Variants in PLXNA4 observed in about 807,000 individuals in gnomAD.
PLXNA4 encodes plexin A4.
PLXNA4 carries 44 observed loss-of-function variants against 191.8 expected under a neutral mutation model. The ratio of observed to expected loss-of-function variants is 0.23; its 90% CI spans 0.18 to 0.29. The LOEUF is 0.29. PLXNA4 is among the 10% of genes least tolerant of loss of function. PLXNA4 has a pLI of 1.00. For missense variants in PLXNA4, 1,800 were observed against 2,488.8 expected (o/e 0.72, Z 5.89); for synonymous variants, 1,082 against 1,009.5 (o/e 1.07, Z -1.36).
intron 4 of PLXNA4, among the ~76,000 whole-genome samples, chr7:132,266,965 T>G (rs1799881367): frequency 6.6e-6 from 1 of 152,122 alleles, no homozygotes; most frequent in African/African-American, 2.4e-5. Context: ...ATCTGGATAG[T>G]TTCTCCTTTT....
intron 3 of PLXNA4, among the ~76,000 whole-genome samples, chr7:132,403,320 T>G (rs1396536078): frequency 6.6e-6 from 1 of 152,202 alleles, no homozygotes; most frequent in Non-Finnish European, 1.5e-5. Flanking sequence ...GTGTCCCATT[T>G]TCATCCAAAT....
intron 1 of PLXNA4, among the ~76,000 whole-genome samples, chr7:132,563,188 C>T (rs1409820302): frequency 1.5e-3 from 43 of 29,386 alleles, no homozygotes; most frequent in African/African-American, 2.9e-3. Context: ...CTTCTCCTTC[C>T]TCCTCCTCCT....
At chr7:132,294,982 C>T (rs750501592) in intron 4 of PLXNA4, among the ~76,000 whole-genome samples, 6 of 152,210 alleles carry the variant, frequency 3.9e-5, no homozygotes, top group African/African-American at 1.4e-4. Flanking sequence ...AAACAAATTT[C>T]TGTTGTTTAA....
intron 3 of PLXNA4, among the ~76,000 whole-genome samples, chr7:132,456,203 C>A (rs1796311141): frequency 1.3e-5 from 2 of 151,052 alleles, no homozygotes; most frequent in Non-Finnish European, 2.9e-5. Context: ...ATTTCCATCT[C>A]CCAGGTCAAG....
At chr7:132,543,211 T>C (rs1800156859) in intron 1 of PLXNA4, among the ~76,000 whole-genome samples, 1 of 152,196 alleles carries the variant, frequency 6.6e-6, no homozygotes, top group Non-Finnish European at 1.5e-5. Context: ...TCATTTTTCT[T>C]AGCTACTCAA....
chr7:132,390,368 G>A (rs1805351383), intron 3 of PLXNA4, among the ~76,000 whole-genome samples: 1 of 152,008 alleles, frequency 6.6e-6, no homozygotes, highest in Non-Finnish European at 1.5e-5. Context: ...GTTGAACAAT[G>A]AGAACACATG....
chr7:132,224,845 A>G (rs1798262115), intron 8 of PLXNA4, among the ~76,000 whole-genome samples: 1 of 152,246 alleles, frequency 6.6e-6, no homozygotes, highest in Non-Finnish European at 1.5e-5. Flanking sequence ...TGCCATAAGC[A>G]GATCAATAGA....
At chr7:132,159,765 G>A (rs975870814) in intron 24 of PLXNA4, 133 bp from the exon 25 acceptor site, 1 of 1,444,378 alleles carries the variant, frequency 6.9e-7, no homozygotes, top group African/African-American at 1.4e-5. Context: ...GAGTAGGGTG[G>A]CTCCAGGCCA....
At chr7:132,268,667 A>G (rs918108695) in intron 4 of PLXNA4, among the ~76,000 whole-genome samples, 1 of 151,916 alleles carries the variant, frequency 6.6e-6, no homozygotes, top group Non-Finnish European at 1.5e-5. Flanking sequence ...GGACTAATCT[A>G]CTCCCACATG....
chr7:132,239,643 G>A (rs1798813234), intron 5 of PLXNA4, among the ~76,000 whole-genome samples: 1 of 152,182 alleles, frequency 6.6e-6, no homozygotes. Flanking sequence ...GTATCATTCA[G>A]GGAACAATTC....
intron 3 of PLXNA4, among the ~76,000 whole-genome samples, chr7:132,487,455 C>T (rs547268496): frequency 5.3e-5 from 8 of 152,290 alleles, no homozygotes; most frequent in African/African-American, 1.7e-4. Context: ...CACAGTAATG[C>T]CCCCGGTATT....
At chr7:132,633,964 C>T (rs1335301498) in intron 2 of PLXNA4, among the ~76,000 whole-genome samples, 1 of 151,554 alleles carries the variant, frequency 6.6e-6, no homozygotes, top group East Asian at 2.0e-4. Flanking sequence ...CACCACACTG[C>T]ACCACACACA....
chr7:132,428,944 G>T (rs913235540), intron 3 of PLXNA4, among the ~76,000 whole-genome samples: 1 of 152,140 alleles, frequency 6.6e-6, no homozygotes, highest in African/African-American at 2.4e-5. Context: ...AAGCTTTCGG[G>T]GTGCAAGGGC....
In PLXNA4 at chr7:132,234,530, C is replaced by T. The variant is rs113371409; in HGVS notation, c.1605-6061G>A. ...TTGAGAGCTTGAGCAGACCACAGGGCTTTTCTAATTTATATGGGAAGATGG... is the reference window on the plus strand; with the variant it reads ...TTGAGAGCTTGAGCAGACCACAGGGTTTTTCTAATTTATATGGGAAGATGG... On this transcript the variant is annotated intron_variant, in intron 5 of 31. Transcript: ENST00000321063. Among the ~76,000 whole-genome samples the T allele has an allele frequency of 9.3e-3, 1,405 of 151,238 alleles. 21 individuals are homozygous for T. Among genetic ancestry groups the T allele is most frequent in the African/African-American group, 0.032 (1,301 of 41,058 alleles).
chr7:132,370,626 G>T (rs181432760), intron 3 of PLXNA4, among the ~76,000 whole-genome samples: 1 of 152,354 alleles, frequency 6.6e-6, no homozygotes, highest in East Asian at 1.9e-4. Flanking sequence ...TTGTGTGCCT[G>T]TGTATGTGTG....
chr7:132,155,867 G>C (rs1006548940), intron 25 of PLXNA4, among the ~76,000 whole-genome samples: 1 of 152,150 alleles, frequency 6.6e-6, no homozygotes, highest in African/African-American at 2.4e-5. Flanking sequence ...ATTTATATCA[G>C]GATGGATTTT....
chr7:132,242,149 G>GT (rs139529609), intron 4 of PLXNA4, among the ~76,000 whole-genome samples: 26,040 of 147,222 alleles, frequency 0.18, 2,348 homozygotes, highest in South Asian at 0.21. Flanking sequence ...TTTACAAAAA[G>GT]TATTTTTTTT....
At chr7:132,209,051 C>T (rs1042086411) in intron 10 of PLXNA4, among the ~76,000 whole-genome samples, 5 of 152,242 alleles carry the variant, frequency 3.3e-5, no homozygotes, top group Admixed American at 6.5e-5. Flanking sequence ...AGGGTCCCAG[C>T]GAGCTTCTTG....
In PLXNA4 at chr7:132,608,097, C is replaced by G. The variant is rs62465215; in HGVS notation, c.-87+37831G>C. Among the ~76,000 whole-genome samples the G allele has an allele frequency of 8.1e-3, 10 of 1,228 alleles. 1 individual carries two copies. Among genetic ancestry groups the G allele is most frequent in the African/African-American group, 0.017 (7 of 412 alleles). 0.8% of individuals were successfully genotyped at this position (1,228 alleles called of 152,430 possible). A position where few individuals can be genotyped will look rare whatever the true frequency, so the allele number is the denominator to read the frequency against. ...CCACCATCACCACCATCATCCTCATCACTATCACCATCACCACCATCACTG... is the reference window on the plus strand; with the variant it reads ...CCACCATCACCACCATCATCCTCATGACTATCACCATCACCACCATCACTG... On this transcript the variant is annotated intron_variant, in intron 2 of 4. Transcript: ENST00000378539.
Sources: allele counts gnomAD v4.1 joint callset (sites outside exome capture counted in the v4.1 genomes callset), GRCh38; gene constraint gnomAD v4.1.1; transcripts MANE v1.5; gene names NCBI Gene and HGNC (gene_info 2026-07-23, HGNC 2026-07-21).